Variants in NRG1 observed in about 807,000 individuals in gnomAD.
The protein encoded by NRG1 is pro-neuregulin-1, membrane-bound isoform.
A neutral mutation model predicts 63.8 loss-of-function variants in NRG1; 18 were observed. The ratio of observed to expected loss-of-function variants is 0.28; its 90% confidence interval spans 0.19 to 0.42. The LOEUF is 0.42. Among genes scored for constraint, NRG1 ranks in the 10% least tolerant of loss-of-function variants. The probability of loss-of-function intolerance (pLI) is 1.00; values close to 1 mark genes in which losing one functional copy is unlikely to be tolerated. For missense variants in NRG1, 762 were observed against 814.7 expected (o/e 0.94, Z 0.79); for synonymous variants, 302 against 301.3 (o/e 1.00, Z -0.02).
At chr8:32,531,085 G>A (rs189568351) in intron 1 of NRG1, among the ~76,000 whole-genome samples, 2 of 152,036 alleles carry the variant, frequency 1.3e-5, no homozygotes, top group Admixed American at 1.3e-4. Flanking sequence ...GTGGCAGAAT[G>A]AGACTCCATC....
At chr8:32,503,824 G>A (rs927963401) in intron 1 of NRG1, among the ~76,000 whole-genome samples, 1 of 152,108 alleles carries the variant, frequency 6.6e-6, no homozygotes, top group African/African-American at 2.4e-5. Context: ...AGTGGAAGAT[G>A]GCCAAGCAGG....
At chr8:32,305,512 T>C (rs555153789) in intron 1 of NRG1, among the ~76,000 whole-genome samples, 1 of 152,350 alleles carries the variant, frequency 6.6e-6, no homozygotes, top group Admixed American at 6.5e-5. Flanking sequence ...TCAAACTCAT[T>C]TAAAGAGAAG....
At chr8:31,937,975 C>T (rs1801177488) in intron 1 of NRG1, among the ~76,000 whole-genome samples, 1 of 152,140 alleles carries the variant, frequency 6.6e-6, no homozygotes, top group South Asian at 2.1e-4. Flanking sequence ...CTTGGGAGGT[C>T]TATGGCCCTG....
intron 1 of NRG1, among the ~76,000 whole-genome samples, chr8:32,507,228 C>A (rs1376761397): frequency 6.6e-6 from 1 of 152,168 alleles, no homozygotes; most frequent in African/African-American, 2.4e-5. Context: ...GTTACTAAAG[C>A]ACTTCAGGTT....
intron 1 of NRG1, among the ~76,000 whole-genome samples, chr8:31,719,551 A>T (rs1438669021): frequency 6.6e-6 from 1 of 152,208 alleles, no homozygotes; most frequent in African/African-American, 2.4e-5. Context: ...GTCAATTCTG[A>T]CATCTTAGAA....
intron 5 of NRG1, among the ~76,000 whole-genome samples, chr8:32,637,713 T>A (rs576975547): frequency 6.6e-6 from 1 of 152,314 alleles, no homozygotes; most frequent in African/African-American, 2.4e-5. Flanking sequence ...AAGCTAATTG[T>A]AATGCTCCCA....
At chr8:32,415,561 C>G (rs1484943923) in intron 1 of NRG1, among the ~76,000 whole-genome samples, 2 of 151,944 alleles carry the variant, frequency 1.3e-5, no homozygotes, top group African/African-American at 4.8e-5. Context: ...AGGAAGCAGT[C>G]AGCCTCATGT....
chr8:32,133,426 T>C (rs1835108439), intron 1 of NRG1, among the ~76,000 whole-genome samples: 1 of 152,056 alleles, frequency 6.6e-6, no homozygotes, highest in Non-Finnish European at 1.5e-5. Context: ...TACAAGATGT[T>C]ACAAGAAAGA....
chr8:32,336,144 C>T (rs772366350), intron 1 of NRG1, among the ~76,000 whole-genome samples: 16 of 152,238 alleles, frequency 1.1e-4, no homozygotes, highest in Non-Finnish European at 1.8e-4. Context: ...AATGGGATAG[C>T]CCACATTTAG....
chr8:31,682,457 G>T (rs992852649), intron 1 of NRG1, among the ~76,000 whole-genome samples: 1 of 152,066 alleles, frequency 6.6e-6, no homozygotes, highest in African/African-American at 2.4e-5. Flanking sequence ...TAAAAATTGA[G>T]GGCTGTGCAT....
intron 5 of NRG1, among the ~76,000 whole-genome samples, chr8:32,678,464 A>G (rs115653831): frequency 0.012 from 1,818 of 152,204 alleles, 39 homozygotes; most frequent in African/African-American, 0.041. Flanking sequence ...ATTCAAAAAA[A>G]TATTACACTT....
intron 1 of NRG1, among the ~76,000 whole-genome samples, chr8:31,852,167 C>A (rs1374545749): frequency 6.6e-6 from 1 of 152,130 alleles, no homozygotes; most frequent in Non-Finnish European, 1.5e-5. Flanking sequence ...AGTTCTAGAT[C>A]CCTGAGGAAT....
At chr8:31,659,486 G>T (rs1187169260) in intron 1 of NRG1, among the ~76,000 whole-genome samples, 2 of 152,188 alleles carry the variant, frequency 1.3e-5, no homozygotes, top group East Asian at 3.9e-4. Context: ...TCCCCCAGGG[G>T]CGAGGGGGGA....
chr8:31,835,917 C>T lies in NRG1; in HGVS notation c.37+196486C>T, dbSNP rs74631055. On this transcript the variant is annotated intron_variant, in intron 1 of 10. Transcript: ENST00000519301. Reference sequence around the variant, plus strand: ...CAACTAGTTACCTGTGTTAGTTGAGCGAGCACTTGAGATATGGATGATGAA... The same window carrying T: ...CAACTAGTTACCTGTGTTAGTTGAGTGAGCACTTGAGATATGGATGATGAA... Among the ~76,000 whole-genome samples the T allele has an allele frequency of 1.4e-3, 215 of 152,212 alleles. No homozygotes were observed. The East Asian group carries it at 0.015, about 11-fold the overall frequency.
intron 1 of NRG1, among the ~76,000 whole-genome samples, chr8:32,530,256 C>T (rs1454101024): frequency 2.6e-5 from 4 of 152,102 alleles, no homozygotes; most frequent in Middle Eastern, 3.4e-3. Context: ...TACAGGTGCC[C>T]GCCACCACGC....
chr8:32,753,067 T>A (rs1213980134), intron 7 of NRG1, among the ~76,000 whole-genome samples: 1 of 152,214 alleles, frequency 6.6e-6, no homozygotes, highest in African/African-American at 2.4e-5. Context: ...ACTGCAGATA[T>A]AATATGGAAA....
intron 1 of NRG1, among the ~76,000 whole-genome samples, chr8:31,773,217 G>C (rs1398194916): frequency 6.6e-6 from 1 of 152,188 alleles, no homozygotes; most frequent in Non-Finnish European, 1.5e-5. Context: ...GTGTGGCACT[G>C]TCAGCATGGC....
At chr8:32,165,236 TCAAA>T (rs2131953521) in intron 1 of NRG1, among the ~76,000 whole-genome samples, 2 of 152,036 alleles carry the variant, frequency 1.3e-5, no homozygotes, top group African/African-American at 4.8e-5. Context: ...ACTCCTGGGC[TCAAA>T]CAATCTTCCT....
At chr8:32,338,693 CCCT>C (rs1803656031) in intron 1 of NRG1, among the ~76,000 whole-genome samples, 1 of 152,098 alleles carries the variant, frequency 6.6e-6, no homozygotes, top group Admixed American at 6.5e-5. Flanking sequence ...CATTTTTATA[CCCT>C]AAAATGCAGA....
Sources: gnomAD v4.1 joint callset for allele counts (sites outside exome capture counted in the v4.1 genomes callset) on GRCh38, gnomAD v4.1.1 for gene constraint, MANE v1.5 for transcripts, NCBI Gene and HGNC (gene_info 2026-07-23, HGNC 2026-07-21) for gene names.